MAGI3: variants seen among roughly 807,000 people sequenced by gnomAD.
The protein encoded by MAGI3 is membrane associated guanylate kinase, WW and PDZ domain containing 3, also known as membrane-associated guanylate kinase, WW and PDZ domain-containing protein 3.
A neutral mutation model predicts 121.8 loss-of-function variants in MAGI3; 43 were observed. The observed-to-expected ratio is 0.35, with a 90% CI of 0.28 to 0.46. The LOEUF (loss-of-function observed/expected upper bound fraction) is 0.46, where lower values mean the gene tolerates loss of function less well. Ranked by LOEUF, MAGI3 falls within the 20% of genes least tolerant of loss-of-function variation. MAGI3 has a pLI of 1.00. For missense variants in MAGI3, 1,547 were observed against 1,797.3 expected (o/e 0.86, Z 2.52); for synonymous variants, 553 against 639.3 (o/e 0.86, Z 2.04).
chr1:113,410,369 C>A (rs913633600), intron 1 of MAGI3, among the ~76,000 whole-genome samples: 5 of 151,898 alleles, frequency 3.3e-5, no homozygotes, highest in Non-Finnish European at 4.4e-5. Flanking sequence ...AGAATCAGGA[C>A]AAAAAATTGC....
At chr1:113,610,097 A>G (rs1650028556) in intron 6 of MAGI3, among the ~76,000 whole-genome samples, 2 of 152,016 alleles carry the variant, frequency 1.3e-5, no homozygotes, top group Non-Finnish European at 2.9e-5. Context: ...CCTTATCTTT[A>G]TGCCTAACAG....
At chr1:113,673,048 C>T (rs987132409) in intron 18 of MAGI3, among the ~76,000 whole-genome samples, 3 of 152,138 alleles carry the variant, frequency 2.0e-5, no homozygotes, top group Admixed American at 6.5e-5. Context: ...ATTAGTCAAA[C>T]GCTACTTAAA....
chr1:113,646,741 G>C, intron 12 of MAGI3, 99 bp downstream of exon 12: 6 of 936,600 alleles, frequency 6.4e-6, no homozygotes, highest in Non-Finnish European at 9.1e-6. Context: ...ATATTGAAAA[G>C]TTATTCCTTC....
chr1:113,398,133 A>G (rs1651216767), intron 1 of MAGI3, among the ~76,000 whole-genome samples: 1 of 152,106 alleles, frequency 6.6e-6, no homozygotes, highest in Non-Finnish European at 1.5e-5. Flanking sequence ...CAGTCATCCC[A>G]ACATGGCCAG....
chr1:113,510,755 A>G (rs1472862849), intron 1 of MAGI3, among the ~76,000 whole-genome samples: 1 of 152,156 alleles, frequency 6.6e-6, no homozygotes, highest in Non-Finnish European at 1.5e-5. Context: ...TACTAGTTTC[A>G]TAGTTTGCCC....
At chr1:113,409,909 A>G (rs1462354203) in intron 1 of MAGI3, among the ~76,000 whole-genome samples, 1 of 152,156 alleles carries the variant, frequency 6.6e-6, no homozygotes, top group Non-Finnish European at 1.5e-5. Context: ...GTGTGACCCC[A>G]AATAACAGAA....
At chr1:113,530,939 A>T (rs1431043284) in intron 1 of MAGI3, among the ~76,000 whole-genome samples, 1 of 152,200 alleles carries the variant, frequency 6.6e-6, no homozygotes, top group East Asian at 1.9e-4. Context: ...GAAAGGAAAG[A>T]GAAAAAGAGA....
chr1:113,468,444 C>T (rs1655392834), intron 1 of MAGI3, among the ~76,000 whole-genome samples: 1 of 152,210 alleles, frequency 6.6e-6, no homozygotes, highest in South Asian at 2.1e-4. Context: ...GACAACTTAT[C>T]TTAGATCACA....
chr1:113,478,296 G>A (rs1286662774), intron 1 of MAGI3, among the ~76,000 whole-genome samples: 1 of 152,140 alleles, frequency 6.6e-6, no homozygotes, highest in Non-Finnish European at 1.5e-5. Flanking sequence ...CAAACCTTTG[G>A]AGGAGATGAG....
intron 9 of MAGI3, among the ~76,000 whole-genome samples, chr1:113,632,606 T>G (rs1651705227): frequency 6.6e-6 from 1 of 152,208 alleles, no homozygotes; most frequent in South Asian, 2.1e-4. Flanking sequence ...CAAAATAGTC[T>G]TACTAATGTC....
At chr1:113,549,330 C>T (rs1158816496) in intron 1 of MAGI3, among the ~76,000 whole-genome samples, 185 bp from the exon 2 acceptor site, 7 of 152,296 alleles carry the variant, frequency 4.6e-5, no homozygotes, top group African/African-American at 1.7e-4. Context: ...ATTGCAGGTA[C>T]ATATTTTAAT....
At position 113,422,224 on chromosome 1, in the gene MAGI3, A is replaced by G. The variant is rs1652762697; in HGVS notation, c.316+30875A>G. Among the ~76,000 whole-genome samples the G allele has an allele frequency of 6.6e-6, 1 of 152,272 alleles. No homozygotes were observed. Among genetic ancestry groups the G allele is most frequent in the African/African-American group, 2.4e-5 (1 of 41,474 alleles). On this transcript the variant is annotated intron_variant, in intron 1 of 20. Coordinates refer to ENST00000307546, the MANE Select transcript of MAGI3 (RefSeq NM_001142782.2). This position sits in a 1 kb window ranked among gnomAD's most constrained non-coding sequence, Gnocchi z 4.3. Reference sequence around the variant, plus strand: ...CCAATGGTAACATTCTTACAAAACTACAGTATAATATCACAGTCAGGATAT... The same window carrying G: ...CCAATGGTAACATTCTTACAAAACTGCAGTATAATATCACAGTCAGGATAT...
chr1:113,629,563 C>T (rs1394992319), intron 9 of MAGI3, among the ~76,000 whole-genome samples: 1 of 152,100 alleles, frequency 6.6e-6, no homozygotes, highest in Non-Finnish European at 1.5e-5. Context: ...TGTGCCCATC[C>T]TTGGGAAGGC....
rs536596514 is a variant in MAGI3 at position 113,570,520 on chromosome 1, C to T, written c.434-10022C>T. Among the ~76,000 whole-genome samples, 18 of 152,184 alleles carry T rather than the reference C, an allele frequency of 1.2e-4. No individual in the cohort carries two copies. The East Asian group carries it at 3.5e-3, about 29-fold the overall frequency. On this transcript the variant is annotated intron_variant, in intron 2 of 20. Coordinates refer to ENST00000307546, the MANE Select transcript of MAGI3 (RefSeq NM_001142782.2). ...TACACTCCCACTAACAGTGTAAAAA[C>T]GTTCCTATTTCTCCACATCCTCTCC...
chr1:113,408,171 T>A (rs1389034271), intron 1 of MAGI3, among the ~76,000 whole-genome samples: 1 of 152,166 alleles, frequency 6.6e-6, no homozygotes, highest in Non-Finnish European at 1.5e-5. Context: ...AGCCTTTGAC[T>A]TCTGTGTCAA....
chr1:113,406,908 T>A (rs1249339175), intron 1 of MAGI3, among the ~76,000 whole-genome samples: 1 of 152,152 alleles, frequency 6.6e-6, no homozygotes, highest in Non-Finnish European at 1.5e-5. Context: ...CATTGTGAGT[T>A]GAATGACTGG....
intron 1 of MAGI3, among the ~76,000 whole-genome samples, chr1:113,531,502 A>G (rs1658718985): frequency 6.6e-6 from 1 of 151,958 alleles, no homozygotes; most frequent in Non-Finnish European, 1.5e-5. Context: ...TTTCTTCCCA[A>G]CCTCACCAAC....
At chr1:113,569,927 G>C (rs986711685) in intron 2 of MAGI3, among the ~76,000 whole-genome samples, 1 of 152,072 alleles carries the variant, frequency 6.6e-6, no homozygotes, top group Non-Finnish European at 1.5e-5. Flanking sequence ...AGAATGTGCA[G>C]GTTTGTTGCA....
At chr1:113,547,424 A>C (rs1258008246) in intron 1 of MAGI3, among the ~76,000 whole-genome samples, 1 of 152,216 alleles carries the variant, frequency 6.6e-6, no homozygotes, top group African/African-American at 2.4e-5. Context: ...GCAGATATTT[A>C]GATGTCGGAG....
Sources: gnomAD v4.1 joint callset for allele counts (sites outside exome capture counted in the v4.1 genomes callset) on GRCh38, gnomAD v4.1.1 for gene constraint, Gnocchi (gnomAD v3.1) non-coding constraint, MANE v1.5 for transcripts, NCBI Gene and HGNC (gene_info 2026-07-23, HGNC 2026-07-21) for gene names.